The following GABRR1 variants were observed in gnomAD, a reference collection of about 807,000 sequenced individuals.
The protein encoded by GABRR1 is gamma-aminobutyric acid receptor subunit rho-1.
A neutral mutation model predicts 55.5 loss-of-function variants in GABRR1; 59 were observed. The observed-to-expected ratio is 1.06, with a 90% confidence interval of 0.86 to 1.32. The LOEUF (loss-of-function observed/expected upper bound fraction) is 1.32. GABRR1 is among the 40% of genes most tolerant of loss of function. GABRR1 has a pLI of 0.00. For synonymous variants in GABRR1, 213 were observed against 226.0 expected (o/e 0.94, Z 0.51); for missense variants, 602 against 619.1 (o/e 0.97, Z 0.29).
At chr6:89,184,363 C>T (rs1420644508) in intron 7 of GABRR1, among the ~76,000 whole-genome samples, 4 of 151,778 alleles carry the variant, frequency 2.6e-5, no homozygotes, top group Admixed American at 1.3e-4. Flanking sequence ...GCAAGTTAAC[C>T]TCAGCTATTT....
At chr6:89,189,060 G>C (rs771832944) in intron 6 of GABRR1, among the ~76,000 whole-genome samples, 1 of 152,116 alleles carries the variant, frequency 6.6e-6, no homozygotes, top group Non-Finnish European at 1.5e-5. Context: ...GTGTGTGTGT[G>C]TGTGTGTGTG....
At chr6:89,182,343 CCA>C (rs1349282512) in intron 7 of GABRR1, among the ~76,000 whole-genome samples, 3 of 152,154 alleles carry the variant, frequency 2.0e-5, no homozygotes, top group African/African-American at 7.2e-5. Flanking sequence ...CACTCTGTCA[CCA>C]GGCTGGAGTG....
intron 3 of GABRR1, 87 bp from the exon 4 acceptor site, chr6:89,199,516 G>T: frequency 2.5e-6 from 3 of 1,219,304 alleles, no homozygotes; most frequent in Non-Finnish European, 3.6e-6. Context: ...ATTTCCCCTG[G>T]AACCTCAATG....
upstream of GABRR1, among the ~76,000 whole-genome samples, chr6:89,222,248 A>G (rs894897704): frequency 6.6e-6 from 1 of 152,234 alleles, no homozygotes; most frequent in African/African-American, 2.4e-5. Flanking sequence ...ATAAAATTAT[A>G]TCATGATGAA....
intron 5 of GABRR1, among the ~76,000 whole-genome samples, chr6:89,196,794 G>A (rs1582388843): frequency 9.2e-6 from 1 of 108,756 alleles, no homozygotes; most frequent in Non-Finnish European, 1.9e-5. Flanking sequence ...AGAAAAGAAG[G>A]AAAGAAAAGA....
chr6:89,189,652 A>G (rs941878258), intron 6 of GABRR1, among the ~76,000 whole-genome samples: 19 of 151,196 alleles, frequency 1.3e-4, no homozygotes, highest in South Asian at 4.2e-4. Context: ...CCTAAAACTT[A>G]AAGTATAATT....
chr6:89,226,109 GTTGT>G (rs1362594762), intron 1 of GABRR1, among the ~76,000 whole-genome samples: 2 of 152,198 alleles, frequency 1.3e-5, no homozygotes, highest in African/African-American at 4.8e-5. Flanking sequence ...TTTTGATGGG[GTTGT>G]TTGTTTTTTT....
At position 89,201,266 on chromosome 6, in the gene GABRR1, C is replaced by A. The variant is rs762113321; in HGVS notation, c.174-1G>T. ...GTCAGGACTTCGTCTCAGAATTGGG[C>A]TGCCAAGGGGGAAGAAACCAGGCTG... On this transcript the variant is annotated splice_acceptor_variant, in intron 2 of 9. Coordinates refer to ENST00000454853, the MANE Select transcript of GABRR1 (RefSeq NM_002042.5). LOFTEE classifies it high-confidence loss of function. 5.0e-6 allele frequency: 8 copies of A among 1,610,728 alleles called. No individual in the cohort carries two copies. The highest frequency in any genetic ancestry group is 6.8e-6 in the Non-Finnish European group (8 of 1,177,072).
At chr6:89,206,952 G>A (rs1036479811) in intron 1 of GABRR1, among the ~76,000 whole-genome samples, 1 of 152,118 alleles carries the variant, frequency 6.6e-6, no homozygotes, top group Non-Finnish European at 1.5e-5. Flanking sequence ...CCTTAGCAGT[G>A]TGCAGAATTG....
intron 1 of GABRR1, among the ~76,000 whole-genome samples, chr6:89,223,706 A>G (rs962296792): frequency 4.4e-4 from 56 of 128,218 alleles, no homozygotes; most frequent in African/African-American, 1.7e-3. Context: ...ATCCACACCA[A>G]TATCTTTTTT....
At chr6:89,215,304 A>G (rs1772951098) in intron 1 of GABRR1, among the ~76,000 whole-genome samples, 1 of 152,238 alleles carries the variant, frequency 6.6e-6, no homozygotes, top group African/African-American at 2.4e-5. Flanking sequence ...GTGTCCATCA[A>G]TGGATGAATG....
chr6:89,196,842 A>AGAAAGAAG (rs1772300124), intron 5 of GABRR1, among the ~76,000 whole-genome samples: 1 of 107,544 alleles, frequency 9.3e-6, no homozygotes, highest in African/African-American at 3.4e-5. Flanking sequence ...AAAGAAAGAA[A>AGAAAGAAG]GAAAGAAAGA....
At chr6:89,185,487 T>C (rs751266463) in intron 6 of GABRR1, 37 bp from the exon 7 acceptor site, 1 of 1,593,420 alleles carries the variant, frequency 6.3e-7, no homozygotes, top group East Asian at 2.2e-5. Context: ...CACAAGGTGG[T>C]GGCAAGACAG....
rs77780580 is a variant in GABRR1 at position 89,195,903 on chromosome 6, C to A, written c.572+2117G>T. On this transcript the variant is annotated intron_variant, in intron 5 of 9. Transcript: ENST00000454853. Reference sequence around the variant, plus strand: ...ATACTACAGAAATCAGCAAACACTACAAATCAGGGCTTGATTTATTGTTTT... The same window carrying A: ...ATACTACAGAAATCAGCAAACACTAAAAATCAGGGCTTGATTTATTGTTTT... 4.0e-3 allele frequency among the ~76,000 whole-genome samples: 612 copies of A among 152,304 alleles called. 5 individuals are homozygous for A. The highest frequency in any genetic ancestry group is 0.013 in the African/African-American group (551 of 41,560).
intron 1 of GABRR1, among the ~76,000 whole-genome samples, chr6:89,225,287 A>T (rs1773182094): frequency 7.0e-6 from 1 of 143,478 alleles, no homozygotes. Flanking sequence ...ATTATACTTT[A>T]AGTTTTGGGG....
In GABRR1 at chr6:89,193,064, G is replaced by A. The variant is rs1772152248; in HGVS notation, c.573-2817C>T. Among the ~76,000 whole-genome samples, 3 of 152,168 alleles carry A rather than the reference G, an allele frequency of 2.0e-5. No homozygotes were observed. In the South Asian group the frequency reaches 6.2e-4, roughly 32 times the overall value. ...CTGCTCCTCCACCCACTGCACTGCT[G>A]CATTCCTCATTTGTGTCCTAAGCAT... On this transcript the variant is annotated intron_variant, in intron 5 of 9. Transcript: ENST00000454853.
In GABRR1 at chr6:89,185,453, GAA is replaced by G. The variant is rs1238279022; in HGVS notation, c.656-5_656-4del. On this transcript the variant is annotated splice_region_variant and splice_polypyrimidine_tract_variant and intron_variant, in intron 6 of 9. Coordinates refer to ENST00000454853, the MANE Select transcript of GABRR1 (RefSeq NM_002042.5). Reference sequence around the variant, plus strand: ...GAGGTCATCTTCTGTATAGGCATCTGAAAAGACAGGGGCCAGCATCAGACACA... The same window carrying G: ...GAGGTCATCTTCTGTATAGGCATCTGAAGACAGGGGCCAGCATCAGACACA... 3.7e-6 allele frequency: 6 copies of G among 1,613,092 alleles called. No homozygotes were observed. The South Asian group carries it at 6.6e-5, about 18-fold the overall frequency.
chr6:89,211,196 TAAG>T (rs1772824335), intron 1 of GABRR1, among the ~76,000 whole-genome samples: 2 of 151,996 alleles, frequency 1.3e-5, no homozygotes, highest in Non-Finnish European at 2.9e-5. Context: ...ACTACTAACT[TAAG>T]AGAAAATCAA....
intron 6 of GABRR1, among the ~76,000 whole-genome samples, chr6:89,189,042 CTGTGTGTGTG>C (rs71913424): frequency 2.0e-5 from 3 of 147,430 alleles, no homozygotes; most frequent in Non-Finnish European, 4.5e-5. Flanking sequence ...GAACTCATGT[CTGTGTGTGTG>C]TGTGTGTGTG....
Sources: gnomAD v4.1 joint callset for allele counts (sites outside exome capture counted in the v4.1 genomes callset) on GRCh38, gnomAD v4.1.1 for gene constraint, MANE v1.5 for transcripts, NCBI Gene and HGNC (gene_info 2026-07-23, HGNC 2026-07-21) for gene names.